The following PCDHGA2 variants were observed in gnomAD, a reference collection of about 807,000 sequenced individuals.
PCDHGA2 encodes the protein protocadherin gamma-A2.
A neutral mutation model predicts 59.2 loss-of-function variants in PCDHGA2; 40 were observed. The observed-to-expected ratio is 0.68, with a 90% CI of 0.52 to 0.88. The LOEUF (loss-of-function observed/expected upper bound fraction) is 0.88, where lower values mean the gene tolerates loss of function less well. Ranked by LOEUF, PCDHGA2 falls within the 40% of genes least tolerant of loss-of-function variation. The pLI is 0.00. For synonymous variants in PCDHGA2, 560 were observed against 526.0 expected, an observed-to-expected ratio of 1.06 and a Z score of -0.89; for missense variants, 1,226 against 1,204.0, an observed-to-expected ratio of 1.02 and a Z score of -0.27.
intron 1 of PCDHGA2, among the ~76,000 whole-genome samples, chr5:141,448,115 T>A (rs62379166): frequency 0.025 from 3,743 of 151,768 alleles, 65 homozygotes; most frequent in Middle Eastern, 0.086. Flanking sequence ...GAAAAGAAAA[T>A]TAGCCTCCCC....
At chr5:141,376,676 G>GTTTTTTTTTTTTTTTTTTTTTT (rs67197835) in intron 1 of PCDHGA2, 1 of 275,800 alleles carries the variant, frequency 3.6e-6, no homozygotes, top group Non-Finnish European at 6.2e-6. Context: ...TGAGGGTATC[G>GTTTTTTTTTTTTTTTTTTTTTT]TTTTTTTTTT....
At chr5:141,365,752 G>A in intron 1 of PCDHGA2, 1 of 1,613,696 alleles carries the variant, frequency 6.2e-7, no homozygotes, top group African/African-American at 1.3e-5. Flanking sequence ...TCTTCTCTGT[G>A]ACAGCCCATG....
chr5:141,399,010 G>A (rs1400790755), intron 1 of PCDHGA2: 5 of 1,613,726 alleles, frequency 3.1e-6, no homozygotes, highest in African/African-American at 1.3e-5. Flanking sequence ...TTCAAAGAGC[G>A]GAGAAATTAC....
intron 1 of PCDHGA2, among the ~76,000 whole-genome samples, chr5:141,386,699 G>A (rs2150319335): frequency 6.6e-6 from 1 of 152,226 alleles, no homozygotes; most frequent in Non-Finnish European, 1.5e-5. Context: ...TGGGGTAGAA[G>A]ACAATGTTGC....
At chr5:141,417,585 G>T in intron 1 of PCDHGA2, 1 of 462,794 alleles carries the variant, frequency 2.2e-6, no homozygotes, top group South Asian at 4.9e-5. Context: ...GTCCCACACA[G>T]AGCCTCTGGG....
intron 1 of PCDHGA2, among the ~76,000 whole-genome samples, chr5:141,438,019 G>A (rs1031334687): frequency 1.3e-5 from 2 of 152,104 alleles, no homozygotes; most frequent in Non-Finnish European, 2.9e-5. Context: ...GAGATTACAG[G>A]TGTGAGCCAC....
intron 1 of PCDHGA2, chr5:141,372,298 GGGA>G: frequency 6.2e-7 from 1 of 1,613,330 alleles, no homozygotes; most frequent in Non-Finnish European, 8.5e-7. Flanking sequence ...TTGGGCGACA[GGGA>G]GGCCGCCCGC....
At chr5:141,483,967 G>C (rs2099589454) in intron 1 of PCDHGA2, among the ~76,000 whole-genome samples, 1 of 149,276 alleles carries the variant, frequency 6.7e-6, no homozygotes, top group African/African-American at 2.5e-5. Flanking sequence ...TTCTGTGCTT[G>C]TGCAAGGGAG....
chr5:141,435,897 A>G (rs1206255678), intron 1 of PCDHGA2, among the ~76,000 whole-genome samples: 2 of 152,166 alleles, frequency 1.3e-5, no homozygotes, highest in East Asian at 1.9e-4. Context: ...TAGAGAATGA[A>G]AGACATCCAA....
chr5:141,389,006 C>G, intron 1 of PCDHGA2: 1 of 1,613,986 alleles, frequency 6.2e-7, no homozygotes, highest in South Asian at 1.1e-5. Context: ...ACAAGGATTC[C>G]AGACACAATG....
Position 141,351,043 on chromosome 5 carries a change from G to T in PCDHGA2, c.2424+9648G>T, listed in dbSNP as rs747483340. 4 of 1,614,084 alleles carry T rather than the reference G, an allele frequency of 2.5e-6. No individual in the cohort carries two copies. The South Asian group carries it at 4.4e-5, about 18-fold the overall frequency. On this transcript the variant is annotated intron_variant, in intron 1 of 3. Transcript: ENST00000394576. ...CGTGGGGAACCTCCGTGCTGCGGGT[G>T]ATGGCCACAGACCAGGATGAGGGCA...
At chr5:141,366,306 C>T (rs762823069) in intron 1 of PCDHGA2, 63 of 1,613,658 alleles carry the variant, frequency 3.9e-5, no homozygotes, top group Non-Finnish European at 4.7e-5. Context: ...GCCACCTTCA[C>T]GGTCACCGTT....
At position 141,491,049 on chromosome 5, in the gene PCDHGA2, G is replaced by C; in HGVS notation, c.2425-3758G>C. The C allele has an allele frequency of 1.2e-6, 2 of 1,614,116 alleles. No homozygotes were observed. Among genetic ancestry groups the C allele is most frequent in the Admixed American group, 3.3e-5 (2 of 60,024 alleles). On this transcript the variant is annotated intron_variant, in intron 1 of 3. Transcript: ENST00000394576. This position sits in a 1 kb window ranked among gnomAD's most constrained non-coding sequence, Gnocchi z 6.9. ...TGGATGCTGATGCAGGCCACAATGC[G>C]TGGCTCTCCTACTCACTGTTGCCAC...
chr5:141,417,878 C>T, intron 1 of PCDHGA2: 1 of 1,558,216 alleles, frequency 6.4e-7, no homozygotes, highest in Non-Finnish European at 8.7e-7. Context: ...GAGCTGCGCG[C>T]AGAGGCGCCG....
At chr5:141,360,018 A>C in intron 1 of PCDHGA2, 12 of 1,225,116 alleles carry the variant, frequency 9.8e-6, no homozygotes, top group Non-Finnish European at 1.3e-5. Flanking sequence ...CACACAGAGA[A>C]GGCCAGTATA....
rs1437409726 is a variant in PCDHGA2, at chr5:141,471,036, C to T, written c.2425-23771C>T. Among the ~76,000 whole-genome samples the T allele has an allele frequency of 2.8e-5, 4 of 144,908 alleles. No homozygotes were observed. The South Asian group carries it at 6.5e-4, about 24-fold the overall frequency. ...CTGGTCAATCATTTTTATTAACAAG[C>T]CCAAGCCCTCTTTTTTTTTTTTTTT... On this transcript the variant is annotated intron_variant, in intron 1 of 3. Transcript: ENST00000394576.
rs544861406 is a variant in PCDHGA2, at chr5:141,356,918, C to G, written c.2424+15523C>G. 6.6e-5 allele frequency: 107 copies of G among 1,614,210 alleles called. 2 individuals are homozygous for G. The Admixed American group carries it at 1.4e-3, about 21-fold the overall frequency. On this transcript the variant is annotated intron_variant, in intron 1 of 3. Transcript: ENST00000394576. ...CCCACCTTCCCTACTGATGGCTCCA[C>G]TGGTGTGGAGCTGGCACCCCGCTCC...
chr5:141,347,300 C>T (rs1428845595), intron 1 of PCDHGA2, among the ~76,000 whole-genome samples: 4 of 151,876 alleles, frequency 2.6e-5, no homozygotes, highest in Admixed American at 6.6e-5. Context: ...ACTACAGGCA[C>T]GAGCCACCCT....
At position 141,339,292 on chromosome 5, in the gene PCDHGA2, CA is replaced by C. The variant is rs1262889557; in HGVS notation, c.322del (p.Ile108PhefsTer7). On this transcript the variant is annotated frameshift_variant, in exon 1 of 4. Coordinates refer to ENST00000394576, the MANE Select transcript of PCDHGA2 (RefSeq NM_018915.4). LOFTEE classifies it high-confidence loss of function. ...GCGCACCCTGTCTGTTGAATTTTAA[CA>C]TTCTGCTGGAGGATAAATTGACTAT... is the stretch of plus-strand genomic sequence containing the variant. ...QSAPCLLNFN[I>X]LLEDKLTIYS... 1.9e-6 allele frequency: 3 copies of C among 1,614,266 alleles called. No homozygotes were observed. Among genetic ancestry groups the C allele is most frequent in the African/African-American group, 2.7e-5 (2 of 75,074 alleles).
Sources: allele counts gnomAD v4.1 joint callset (sites outside exome capture counted in the v4.1 genomes callset), GRCh38; gene constraint gnomAD v4.1.1; non-coding constraint Gnocchi (gnomAD v3.1); transcripts MANE v1.5; gene names NCBI Gene and HGNC (gene_info 2026-07-23, HGNC 2026-07-21).